RAB6A: variants seen among roughly 807,000 people sequenced by gnomAD.
RAB6A encodes ras-related protein Rab-6A.
RAB6A carries 8 observed loss-of-function variants against 32.3 expected under a neutral mutation model. The ratio of observed to expected loss-of-function variants is 0.25; its 90% CI spans 0.15 to 0.45. The LOEUF is 0.45. RAB6A is among the 20% of genes least tolerant of loss of function. The pLI is 1.00. For missense variants in RAB6A, 104 were observed against 249.4 expected (o/e 0.42, Z 3.93); for synonymous variants, 73 against 82.1 (o/e 0.89, Z 0.60).
chr11:73,685,885 C>CAAAAAAAAAAAAAAAAA lies in RAB6A; in HGVS notation c.496-6182_496-6166dup, dbSNP rs56270679. On this transcript the variant is annotated intron_variant, in intron 6 of 7. Transcript: ENST00000336083. ...AGGCAACAAGAGTGAAACTCCGTCT[C>CAAAAAAAAAAAAAAAAA]AAAAAAAAAAAAAAAAAAAAAAAGC... 1.6e-4 allele frequency among the ~76,000 whole-genome samples: 17 copies of CAAAAAAAAAAAAAAAAA among 103,040 alleles called. 1 individual carries two copies. The highest frequency in any genetic ancestry group is 3.7e-4 in the South Asian group (1 of 2,676). 67.6% of individuals were successfully genotyped at this position (103,040 alleles called of 152,430 possible).
At chr11:73,736,809 G>GA (rs756237159) in intron 1 of RAB6A, among the ~76,000 whole-genome samples, 13,432 of 108,740 alleles carry the variant, frequency 0.12, 942 homozygotes, top group South Asian at 0.28. Flanking sequence ...AAAAAAAAAA[G>GA]AAAAAAAAAA....
At chr11:73,710,245 C>T in intron 5 of RAB6A, among the ~76,000 whole-genome samples, 1 of 150,062 alleles carries the variant, frequency 6.7e-6, no homozygotes, top group African/African-American at 2.4e-5. Flanking sequence ...GGATTACAGG[C>T]GTGAGCCACC....
At chr11:73,741,779 AC>A (rs898320143) in intron 1 of RAB6A, among the ~76,000 whole-genome samples, 1 of 152,220 alleles carries the variant, frequency 6.6e-6, no homozygotes, top group African/African-American at 2.4e-5. Flanking sequence ...TGATCCAACT[AC>A]ATAATATTCT....
intron 1 of RAB6A, among the ~76,000 whole-genome samples, chr11:73,741,413 T>C (rs1034372626): frequency 7.2e-5 from 11 of 152,190 alleles, no homozygotes; most frequent in South Asian, 2.1e-4. Context: ...GCTAAGATTA[T>C]AGGCGTGAGC....
At chr11:73,724,754 G>C (rs1163374386) in intron 2 of RAB6A, among the ~76,000 whole-genome samples, 1 of 152,156 alleles carries the variant, frequency 6.6e-6, no homozygotes, top group Admixed American at 6.5e-5. Flanking sequence ...CCGAAGTGCT[G>C]GGATTACAGG....
intron 3 of RAB6A, among the ~76,000 whole-genome samples, chr11:73,719,357 T>G (rs1946099536): frequency 1.3e-5 from 2 of 152,256 alleles, no homozygotes; most frequent in African/African-American, 4.8e-5. Context: ...TCTTTCCTAT[T>G]GGGTCTAGAA....
At chr11:73,731,371 T>C (rs1027663760) in intron 1 of RAB6A, among the ~76,000 whole-genome samples, 4 of 151,616 alleles carry the variant, frequency 2.6e-5, no homozygotes, top group Non-Finnish European at 5.9e-5. Context: ...GGTGAAATCG[T>C]GTCTCTACTA....
Position 73,753,771 on chromosome 11 carries a change from C to G in RAB6A, c.70+6795G>C, listed in dbSNP as rs1590895490. ...CAAGTGATCTGCCCACCTAGGCCTC[C>G]CAAAGTGCTGGGATTACAGGCGTGA... is the stretch of plus-strand genomic sequence containing the variant. On this transcript the variant is annotated intron_variant, in intron 1 of 7. Coordinates refer to ENST00000336083, the MANE Select transcript of RAB6A (RefSeq NM_198896.2). Among the ~76,000 whole-genome samples, 3 of 152,016 alleles carry G rather than the reference C, an allele frequency of 2.0e-5. No individual in the cohort carries two copies. The East Asian group carries it at 5.8e-4, about 29-fold the overall frequency.
At chr11:73,678,718 TTGTTG>T (rs1222815393) in intron 7 of RAB6A, among the ~76,000 whole-genome samples, 1 of 136,618 alleles carries the variant, frequency 7.3e-6, no homozygotes, top group Admixed American at 7.2e-5. Context: ...TTTTATGTTG[TTGTTG>T]TGTTTTTTTT....
intron 6 of RAB6A, among the ~76,000 whole-genome samples, chr11:73,703,228 T>C (rs765902545): frequency 1.3e-4 from 20 of 152,170 alleles, no homozygotes; most frequent in Admixed American, 7.2e-4. Flanking sequence ...AAACAGCAAA[T>C]GAAGGGCAAT....
At chr11:73,731,684 T>TTATATATATA (rs1157961323) in intron 1 of RAB6A, among the ~76,000 whole-genome samples, 9 of 14,518 alleles carry the variant, frequency 6.2e-4, no homozygotes, top group Admixed American at 1.0e-3. Context: ...TAGATAGATA[T>TTATATATATA]TATATATATA....
chr11:73,695,273 A>G (rs1336666005), intron 6 of RAB6A, among the ~76,000 whole-genome samples: 1 of 152,144 alleles, frequency 6.6e-6, no homozygotes, highest in Non-Finnish European at 1.5e-5. Context: ...ATATGCTAAC[A>G]AAGGCTTCTG....
intron 2 of RAB6A, among the ~76,000 whole-genome samples, chr11:73,724,461 T>A (rs954879558): frequency 6.6e-6 from 1 of 151,304 alleles, no homozygotes; most frequent in Non-Finnish European, 1.5e-5. Context: ...CATGCTAAGA[T>A]CATGTTTTCC....
At chr11:73,679,600 G>A (rs1424322391) in intron 7 of RAB6A, 54 bp downstream of exon 7, 3 of 1,593,492 alleles carry the variant, frequency 1.9e-6, no homozygotes, top group Non-Finnish European at 2.6e-6. Flanking sequence ...AGCAAGCAGG[G>A]CTCTAAAGAC....
intron 5 of RAB6A, among the ~76,000 whole-genome samples, chr11:73,710,470 G>A (rs1421538620): frequency 6.6e-6 from 1 of 150,904 alleles, no homozygotes; most frequent in Non-Finnish European, 1.5e-5. Flanking sequence ...GGGTGTGGTG[G>A]CTCACACCTG....
intron 6 of RAB6A, among the ~76,000 whole-genome samples, chr11:73,680,905 G>A (rs1209540161): frequency 6.6e-6 from 1 of 152,120 alleles, no homozygotes; most frequent in African/African-American, 2.4e-5. Flanking sequence ...ACTCAAGCCT[G>A]GTGAGATGTT....
At chr11:73,724,374 C>T (rs1946185119) in intron 2 of RAB6A, among the ~76,000 whole-genome samples, 1 of 151,672 alleles carries the variant, frequency 6.6e-6, no homozygotes, top group South Asian at 2.1e-4. Context: ...ACAGTACTCT[C>T]TTCCTTCTCT....
chr11:73,700,973 T>C (rs1945735675), intron 6 of RAB6A, among the ~76,000 whole-genome samples: 1 of 152,164 alleles, frequency 6.6e-6, no homozygotes, highest in African/African-American at 2.4e-5. Context: ...CCTAGTCACT[T>C]GAATCATGAT....
Position 73,679,715 on chromosome 11 carries a change from A to G in RAB6A, c.501T>C (p.Phe167=), listed in dbSNP as rs1945324585. 2 of 1,582,932 alleles carry G rather than the reference A, an allele frequency of 1.3e-6. No homozygotes were observed. Among genetic ancestry groups the G allele is most frequent in the East Asian group, 2.3e-5 (1 of 43,344 alleles). ...CCGGCAAAGCTGCTGCTACACGTCG[A>G]AAGAGCTGTGGGAAAGAGAGAAAAG... ...AKAGYNVKQL[F]RRVAAALPGM... The change falls in exon 7 of 8, where the codon TTT becomes TTC. Residue 167 remains phenylalanine (F), a synonymous_variant. Transcript: ENST00000336083.
Sources: allele counts gnomAD v4.1 joint callset (sites outside exome capture counted in the v4.1 genomes callset), GRCh38; gene constraint gnomAD v4.1.1; transcripts MANE v1.5; gene names NCBI Gene and HGNC (gene_info 2026-07-23, HGNC 2026-07-21).